The following PXT1 variants were observed in gnomAD, a reference collection of about 807,000 sequenced individuals.
PXT1 encodes peroxisomal testis enriched protein 1.
A neutral mutation model predicts 11.0 loss-of-function variants in PXT1; 11 were observed. That is an observed-to-expected ratio of 1.00 (90% confidence interval 0.63 to 1.66). PXT1 has a LOEUF of 1.66. PXT1 is among the 40% of genes most tolerant of loss of function. The pLI, the probability that PXT1 is intolerant of heterozygous loss-of-function variation, is 0.00. For missense variants in PXT1, 141 were observed against 155.5 expected (o/e 0.91, Z 0.49); for synonymous variants, 43 against 51.4 (o/e 0.84, Z 0.70).
At chr6:36,406,124 A>G (rs1180025773) in intron 3 of PXT1, among the ~76,000 whole-genome samples, 6 of 152,238 alleles carry the variant, frequency 3.9e-5, no homozygotes, top group African/African-American at 7.2e-5. Context: ...AAAGATGCCA[A>G]TCACTATCTG....
chr6:36,409,965 GAAA>G (rs57141279), intron 3 of PXT1, among the ~76,000 whole-genome samples: 4 of 146,712 alleles, frequency 2.7e-5, no homozygotes, highest in Admixed American at 6.8e-5. Context: ...GGAAGAAAGA[GAAA>G]AAAGAAAGAA....
chr6:36,412,244 C>T (rs557104934), intron 3 of PXT1, among the ~76,000 whole-genome samples: 414 of 151,740 alleles, frequency 2.7e-3, no homozygotes, highest in Non-Finnish European at 4.7e-3. Flanking sequence ...CCCAGCTACT[C>T]GGGAAGCTGA....
At chr6:36,410,167 A>AG (rs1280172796) in intron 3 of PXT1, among the ~76,000 whole-genome samples, 2 of 122,236 alleles carry the variant, frequency 1.6e-5, no homozygotes, top group Non-Finnish European at 3.5e-5. Context: ...GAGAGAGAGA[A>AG]AGGCCAGGTG....
intron 3 of PXT1, among the ~76,000 whole-genome samples, chr6:36,413,174 T>C (rs1774398656): frequency 6.6e-6 from 1 of 152,066 alleles, no homozygotes; most frequent in Non-Finnish European, 1.5e-5. Context: ...ATCCCAGCAC[T>C]TTGGGAGGCC....
At chr6:36,433,866 A>G (rs1774728755) in intron 2 of PXT1, among the ~76,000 whole-genome samples, 1 of 151,174 alleles carries the variant, frequency 6.6e-6, no homozygotes, top group Non-Finnish European at 1.5e-5. Context: ...TAAAGAGATA[A>G]GAAAGCCAAA....
intron 3 of PXT1, among the ~76,000 whole-genome samples, chr6:36,405,931 G>A (rs910251210): frequency 6.6e-6 from 1 of 152,176 alleles, no homozygotes; most frequent in African/African-American, 2.4e-5. Flanking sequence ...TGTGTAGTAG[G>A]CTATACTATC....
At chr6:36,432,944 G>A (rs1582273230) in intron 2 of PXT1, among the ~76,000 whole-genome samples, 1 of 150,868 alleles carries the variant, frequency 6.6e-6, no homozygotes, top group Non-Finnish European at 1.5e-5. Context: ...AAAAAAAAAG[G>A]TACTTCTTAG....
At chr6:36,410,798 A>G (rs1774362267) in intron 3 of PXT1, among the ~76,000 whole-genome samples, 1 of 152,202 alleles carries the variant, frequency 6.6e-6, no homozygotes, top group African/African-American at 2.4e-5. Flanking sequence ...AAGCCCAGAC[A>G]GCTCAAAACC....
intron 2 of PXT1, among the ~76,000 whole-genome samples, chr6:36,429,957 G>C (rs575664781): frequency 1.3e-5 from 2 of 151,920 alleles, no homozygotes; most frequent in East Asian, 3.9e-4. Context: ...CCAGCACTTT[G>C]GGAGGCCCAG....
rs769245752 is a variant in PXT1 at position 36,400,590 on chromosome 6, T to C, written c.170-6A>G. The C allele has an allele frequency of 7.5e-6, 12 of 1,610,712 alleles. No individual in the cohort carries two copies. Among genetic ancestry groups the C allele is most frequent in the South Asian group, 1.1e-5 (1 of 90,884 alleles). On this transcript the variant is annotated splice_polypyrimidine_tract_variant and splice_region_variant and intron_variant, in intron 3 of 4. Coordinates refer to ENST00000454782, the MANE Select transcript of PXT1 (RefSeq NM_152990.4). Reference sequence around the variant, plus strand: ...CTGAGAAAGTAGATTATGATCTGCATTGAGAAAAAAGAGTTCAAAAGAGAT... The same window carrying C: ...CTGAGAAAGTAGATTATGATCTGCACTGAGAAAAAAGAGTTCAAAAGAGAT...
At chr6:36,430,263 T>C (rs1280513809) in intron 2 of PXT1, among the ~76,000 whole-genome samples, 1 of 152,176 alleles carries the variant, frequency 6.6e-6, no homozygotes, top group Non-Finnish European at 1.5e-5. Context: ...TATTAATTCA[T>C]CTATGGGTTC....
At chr6:36,437,732 G>A (rs907124436) in intron 2 of PXT1, among the ~76,000 whole-genome samples, 1 of 150,764 alleles carries the variant, frequency 6.6e-6, no homozygotes, top group Non-Finnish European at 1.5e-5. Flanking sequence ...TAGCCAGGAT[G>A]GTCTCGATCT....
chr6:36,409,988 GA>G (rs768244497), intron 3 of PXT1, among the ~76,000 whole-genome samples: 76 of 150,166 alleles, frequency 5.1e-4, no homozygotes, highest in Admixed American at 2.9e-3. Context: ...AAGAAAGAAA[GA>G]AAAAGAAAAG....
At chr6:36,417,143 C>T (rs1258372301) in intron 3 of PXT1, among the ~76,000 whole-genome samples, 1 of 151,978 alleles carries the variant, frequency 6.6e-6, no homozygotes, top group East Asian at 1.9e-4. Flanking sequence ...GTCAGGAGTT[C>T]GAGATCAGCC....
rs1423263057 is a variant in PXT1 at position 36,429,506 on chromosome 6, T to C, written c.-9-3415A>G. ...CACTTTTCTTTTTTCTTTTTTTCTT[T>C]TCTTTTTTTTTTTTTTGAGATGGAG... is the stretch of plus-strand genomic sequence containing the variant. On this transcript the variant is annotated intron_variant, in intron 2 of 4. Coordinates refer to ENST00000454782, the MANE Select transcript of PXT1 (RefSeq NM_152990.4). Among the ~76,000 whole-genome samples the C allele has an allele frequency of 3.5e-5, 4 of 113,810 alleles. No homozygotes were observed. The East Asian group carries it at 1.2e-3, about 33-fold the overall frequency. The allele number at this position is 113,810 out of a possible 152,430, so 74.7% of individuals were successfully genotyped here.
chr6:36,430,659 C>T (rs1302843243), intron 2 of PXT1, among the ~76,000 whole-genome samples: 5 of 152,174 alleles, frequency 3.3e-5, no homozygotes. Flanking sequence ...AGACTTCTGA[C>T]CCCTAGAACT....
intron 3 of PXT1, among the ~76,000 whole-genome samples, chr6:36,408,999 T>C (rs1175708093): frequency 6.6e-6 from 1 of 152,218 alleles, no homozygotes; most frequent in Non-Finnish European, 1.5e-5. Context: ...GAGTTGTATT[T>C]AGGAAAGCTT....
intron 3 of PXT1, among the ~76,000 whole-genome samples, chr6:36,409,862 G>GAAGGAAGGAAGGAAGGAGAA (rs34985544): frequency 1.2e-4 from 17 of 143,650 alleles, no homozygotes; most frequent in African/African-American, 4.2e-4. Flanking sequence ...AGGAAGGAAG[G>GAAGGAAGGAAGGAAGGAGAA]AGAAAGAAAA....
chr6:36,424,812 C>A (rs1048433995), intron 3 of PXT1, among the ~76,000 whole-genome samples: 1 of 151,914 alleles, frequency 6.6e-6, no homozygotes, highest in Non-Finnish European at 1.5e-5. Context: ...CTGGCCAACA[C>A]GGTGAAACCC....
Sources: allele counts gnomAD v4.1 joint callset (sites outside exome capture counted in the v4.1 genomes callset), GRCh38; gene constraint gnomAD v4.1.1; transcripts MANE v1.5; gene names NCBI Gene and HGNC (gene_info 2026-07-23, HGNC 2026-07-21).